MDM2: variants seen among roughly 807,000 people sequenced by gnomAD.
MDM2 encodes the protein E3 ubiquitin-protein ligase Mdm2.
MDM2 carries 11 observed loss-of-function variants against 64.3 expected under a neutral mutation model. That is an observed-to-expected ratio of 0.17 (90% CI 0.11 to 0.28). The LOEUF is 0.28. Among genes scored for constraint, MDM2 ranks in the 10% least tolerant of loss-of-function variants. The pLI is 1.00. For missense variants in MDM2, 388 were observed against 577.1 expected (o/e 0.67, Z 3.36); for synonymous variants, 194 against 192.9 (o/e 1.01, Z -0.05).
chr12:68,823,739 T>G (rs772869332), intron 5 of MDM2, among the ~76,000 whole-genome samples: 2 of 152,228 alleles, frequency 1.3e-5, no homozygotes, highest in African/African-American at 2.4e-5. Context: ...TTCTGTGAGC[T>G]AGAAATCAGT....
At chr12:68,830,060 AT>A (rs138064988) in intron 8 of MDM2, among the ~76,000 whole-genome samples, 12 of 148,968 alleles carry the variant, frequency 8.1e-5, no homozygotes, top group East Asian at 3.9e-4. Context: ...AAATATTATG[AT>A]TTTTTTTTTT....
chr12:68,828,673 T>G, intron 7 of MDM2, 98 bp from the exon 8 acceptor site: 1 of 1,022,860 alleles, frequency 9.8e-7, no homozygotes, highest in South Asian at 1.6e-5. Context: ...TTTGAACTAA[T>G]TTTATTGAAA....
chr12:68,844,511 G>A lies in MDM2; in HGVS notation c.*4662G>A, dbSNP rs1016737775. The stretch of plus-strand genomic sequence containing the variant: ...AGGGAGGTAGCTGGGACAGGGAGGG[G>A]AGTTTGGGCTAGCCACCGTACCACT... On this transcript the variant is annotated 3_prime_UTR_variant, in exon 11 of 11. Coordinates refer to ENST00000258149, the MANE Select transcript of MDM2 (RefSeq NM_002392.6). The A allele has an allele frequency of 2.2e-5, 5 of 228,996 alleles. No homozygotes were observed. Among genetic ancestry groups the A allele is most frequent in the Non-Finnish European group, 3.5e-5 (4 of 115,480 alleles). 14.2% of individuals were successfully genotyped at this position (228,996 alleles called of 1,614,324 possible).
At chr12:68,832,718 C>T (rs1020299914) in intron 8 of MDM2, among the ~76,000 whole-genome samples, 3 of 151,328 alleles carry the variant, frequency 2.0e-5, no homozygotes, top group Admixed American at 1.3e-4. Flanking sequence ...GAGATCTTGG[C>T]CTGTTGCCCA....
intron 5 of MDM2, among the ~76,000 whole-genome samples, chr12:68,822,667 C>T (rs1881960745): frequency 2.0e-5 from 3 of 151,614 alleles, no homozygotes; most frequent in Non-Finnish European, 4.4e-5. Flanking sequence ...TTACAAATTA[C>T]TTATTTGCAG....
intron 5 of MDM2, among the ~76,000 whole-genome samples, chr12:68,822,369 C>CT (rs1180409907): frequency 4.5e-4 from 16 of 35,226 alleles, no homozygotes; most frequent in African/African-American, 4.5e-3. Context: ...TGTTTTAAAG[C>CT]TCTTTTTTTT....
At chr12:68,827,109 T>G (rs1414264788) in intron 7 of MDM2, among the ~76,000 whole-genome samples, 1 of 151,894 alleles carries the variant, frequency 6.6e-6, no homozygotes, top group Non-Finnish European at 1.5e-5. Context: ...ACCCAGGAGG[T>G]GGAGGTTGCA....
intron 1 of MDM2, 133 bp downstream of exon 1, chr12:68,808,624 G>C (rs1343047030): frequency 2.1e-5 from 27 of 1,310,160 alleles, no homozygotes; most frequent in Non-Finnish European, 2.8e-5. Context: ...CGCGGGGCGC[G>C]GGGCATGGGG....
At position 68,808,303 on chromosome 12, in the gene MDM2, C is replaced by A; in HGVS notation, c.-175C>A. The A allele has an allele frequency of 1.3e-6, 1 of 775,896 alleles. No individual in the cohort carries two copies. The highest frequency in any genetic ancestry group is 2.1e-6 in the Non-Finnish European group (1 of 477,304). The allele number at this position is 775,896 out of a possible 1,614,324, so 48.1% of individuals were successfully genotyped here. Reference sequence around the variant, plus strand: ...CGCGACCCCTCTGACCGAGATCCTGCTGCTTTCGCAGCCAGGAGCACCGTC... The same window carrying A: ...CGCGACCCCTCTGACCGAGATCCTGATGCTTTCGCAGCCAGGAGCACCGTC... On this transcript the variant is annotated 5_prime_UTR_variant, in exon 1 of 11. It adds an upstream start codon to the 5' untranslated region. Transcript: ENST00000258149.
chr12:68,812,467 AAAGG>A (rs1880990115), intron 2 of MDM2, among the ~76,000 whole-genome samples: 1 of 152,248 alleles, frequency 6.6e-6, no homozygotes. Flanking sequence ...TGATAAACCA[AAAGG>A]AAGGGAGAAA....
In MDM2 at chr12:68,812,229, A is replaced by C. The variant is rs544356425; in HGVS notation, c.100-1325A>C. ...AAAAAAAGTGATCAGAAAAATTAAT[A>C]ATTCAATTCTATATGTATTTTAAAT... On this transcript the variant is annotated intron_variant, in intron 2 of 10. Coordinates refer to ENST00000258149, the MANE Select transcript of MDM2 (RefSeq NM_002392.6). Among the ~76,000 whole-genome samples the C allele has an allele frequency of 2.2e-3, 339 of 152,088 alleles. 1 individual carries two copies. The highest frequency in any genetic ancestry group is 7.7e-3 in the African/African-American group (319 of 41,526).
chr12:68,831,701 G>A (rs903744995), intron 8 of MDM2, among the ~76,000 whole-genome samples: 2 of 152,120 alleles, frequency 1.3e-5, no homozygotes, highest in South Asian at 2.1e-4. Context: ...TTAATAACTC[G>A]TGTGGAGTAG....
At chr12:68,819,061 A>C (rs1228575621) in intron 4 of MDM2, among the ~76,000 whole-genome samples, 2 of 152,144 alleles carry the variant, frequency 1.3e-5, no homozygotes, top group Non-Finnish European at 2.9e-5. Flanking sequence ...TAATGTTTGG[A>C]AGTATGATTT....
At chr12:68,832,515 T>C in intron 8 of MDM2, among the ~76,000 whole-genome samples, 1 of 152,030 alleles carries the variant, frequency 6.6e-6, no homozygotes, top group East Asian at 1.9e-4. Context: ...AAAAAATATA[T>C]ATTTTTTAAA....
chr12:68,828,993 C>A (rs2136149513), intron 8 of MDM2, 62 bp downstream of exon 8: 1 of 1,499,574 alleles, frequency 6.7e-7, no homozygotes. Flanking sequence ...CCTGGCAGTC[C>A]TAATAAGGAT....
chr12:68,825,450 G>A (rs1216324956), intron 7 of MDM2, among the ~76,000 whole-genome samples: 1 of 152,076 alleles, frequency 6.6e-6, no homozygotes, highest in Admixed American at 6.6e-5. Context: ...TCAGGAGATC[G>A]AGACCATCCT....
chr12:68,819,239 A>C (rs1209648653), intron 4 of MDM2, among the ~76,000 whole-genome samples: 1 of 152,204 alleles, frequency 6.6e-6, no homozygotes, highest in African/African-American at 2.4e-5. Context: ...AGTGAGAAAC[A>C]ATATTTTGTG....
At chr12:68,839,167 G>A (rs1460710825) in intron 10 of MDM2, 107 bp from the exon 11 acceptor site, 11 of 928,550 alleles carry the variant, frequency 1.2e-5, no homozygotes, top group Non-Finnish European at 1.8e-5. Flanking sequence ...ACTGAATATT[G>A]AGCCCTATGA....
At chr12:68,815,081 C>T (rs941376030) in intron 3 of MDM2, among the ~76,000 whole-genome samples, 1 of 152,156 alleles carries the variant, frequency 6.6e-6, no homozygotes, top group Non-Finnish European at 1.5e-5. Context: ...CCTTTAAGGC[C>T]GATGCCTGCT....
Sources: gnomAD v4.1 joint callset for allele counts (sites outside exome capture counted in the v4.1 genomes callset) on GRCh38, gnomAD v4.1.1 for gene constraint, MANE v1.5 for transcripts, NCBI Gene and HGNC (gene_info 2026-07-23, HGNC 2026-07-21) for gene names.